ADGRF5: variants seen among roughly 807,000 people sequenced by gnomAD.
The protein encoded by ADGRF5 is adhesion G protein-coupled receptor F5.
Under a neutral mutation model 132.3 loss-of-function variants are expected in ADGRF5, and 75 were observed. The ratio of observed to expected loss-of-function variants is 0.57; its 90% CI spans 0.47 to 0.69. The LOEUF (loss-of-function observed/expected upper bound fraction) is 0.69, where lower values mean the gene tolerates loss of function less well. ADGRF5 is among the 30% of genes least tolerant of loss of function. The pLI is 0.00. For synonymous variants in ADGRF5, 629 were observed against 597.6 expected (o/e 1.05, Z -0.77); for missense variants, 1,516 against 1,630.6 (o/e 0.93, Z 1.21).
At chr6:46,920,380 A>T (rs1776805295) in intron 1 of ADGRF5, among the ~76,000 whole-genome samples, 1 of 152,116 alleles carries the variant, frequency 6.6e-6, no homozygotes, top group South Asian at 2.1e-4. Context: ...TCTTTCACTG[A>T]GAGGAAGGAG....
At chr6:46,862,374 T>A (rs181384630) in intron 15 of ADGRF5, among the ~76,000 whole-genome samples, 2 of 152,298 alleles carry the variant, frequency 1.3e-5, no homozygotes, top group Admixed American at 1.3e-4. Flanking sequence ...TAACCTCTAT[T>A]ATAGGTAAGA....
At chr6:46,906,562 A>G in intron 2 of ADGRF5, 99 bp downstream of exon 2, 1 of 708,386 alleles carries the variant, frequency 1.4e-6, no homozygotes, top group Non-Finnish European at 2.5e-6. Context: ...TTCTCCCCCT[A>G]AAGTTTTTTC....
In ADGRF5 at chr6:46,936,906, C is replaced by T. The variant is rs563860025; in HGVS notation, c.-25+17828G>A. ...TTTTGGCAGTGGTTGTGTTCCTGCCCTCTAGCCACAGATCCTGGGGGATCC... is the reference window on the plus strand; with the variant it reads ...TTTTGGCAGTGGTTGTGTTCCTGCCTTCTAGCCACAGATCCTGGGGGATCC... On this transcript the variant is annotated intron_variant, in intron 1 of 20. Coordinates refer to the ADGRF5 transcript ENST00000265417. Among the ~76,000 whole-genome samples, 6 of 152,326 alleles carry T rather than the reference C, an allele frequency of 3.9e-5. No homozygotes were observed. The South Asian group carries it at 1.2e-3, about 32-fold the overall frequency.
At chr6:46,885,718 A>G (rs1381794802) in intron 4 of ADGRF5, among the ~76,000 whole-genome samples, 1 of 152,224 alleles carries the variant, frequency 6.6e-6, no homozygotes, top group African/African-American at 2.4e-5. Context: ...TCCTTTCTAC[A>G]TGTTAAATGC....
chr6:46,946,479 G>C (rs1216446444), intron 1 of ADGRF5, among the ~76,000 whole-genome samples: 1 of 152,148 alleles, frequency 6.6e-6, no homozygotes, highest in East Asian at 1.9e-4. Flanking sequence ...TTTGTGGTGA[G>C]GGAAAATGAA....
intron 3 of ADGRF5, among the ~76,000 whole-genome samples, chr6:46,898,474 G>T (rs1217027618): frequency 6.6e-6 from 1 of 152,084 alleles, no homozygotes; most frequent in Admixed American, 6.5e-5. Context: ...CTGTGCCATA[G>T]GCCACTTCAG....
chr6:46,916,649 A>G (rs1352811302), intron 1 of ADGRF5, among the ~76,000 whole-genome samples: 1 of 152,224 alleles, frequency 6.6e-6, no homozygotes, highest in East Asian at 1.9e-4. Flanking sequence ...CTGACCAATA[A>G]TCCAACACAA....
intron 1 of ADGRF5, among the ~76,000 whole-genome samples, chr6:46,947,008 C>T (rs865899708): frequency 9.2e-5 from 14 of 152,156 alleles, no homozygotes; most frequent in Non-Finnish European, 2.1e-4. Context: ...TCTTTGCACT[C>T]TCATTTGCAA....
At chr6:46,896,217 G>A (rs1369750297) in intron 3 of ADGRF5, among the ~76,000 whole-genome samples, 1 of 152,114 alleles carries the variant, frequency 6.6e-6, no homozygotes, top group African/African-American at 2.4e-5. Context: ...CAGCCGCTCA[G>A]CTGATCCAGA....
chr6:46,938,460 G>C (rs913371896), intron 1 of ADGRF5, among the ~76,000 whole-genome samples: 1 of 152,162 alleles, frequency 6.6e-6, no homozygotes, highest in Admixed American at 6.6e-5. Flanking sequence ...CTGTGAAAAA[G>C]GCAACAGATT....
intron 10 of ADGRF5, among the ~76,000 whole-genome samples, chr6:46,873,496 T>C (rs1338362747): frequency 6.6e-6 from 1 of 152,180 alleles, no homozygotes; most frequent in Non-Finnish European, 1.5e-5. Context: ...GCTTGAGTCC[T>C]AGATGTCTCC....
At chr6:46,903,801 CA>C (rs2150889863) in intron 2 of ADGRF5, among the ~76,000 whole-genome samples, 1 of 152,126 alleles carries the variant, frequency 6.6e-6, no homozygotes, top group East Asian at 1.9e-4. Flanking sequence ...ACTTTTGCAC[CA>C]ACCTAATACT....
intron 1 of ADGRF5, among the ~76,000 whole-genome samples, chr6:46,928,656 C>A (rs1211519448): frequency 6.6e-6 from 1 of 152,132 alleles, no homozygotes; most frequent in Non-Finnish European, 1.5e-5. Flanking sequence ...GCCCTCTACT[C>A]TCTTAGAGGT....
At chr6:46,876,973 A>G (rs1407829900) in intron 10 of ADGRF5, among the ~76,000 whole-genome samples, 5 of 152,216 alleles carry the variant, frequency 3.3e-5, no homozygotes, top group Non-Finnish European at 5.9e-5. Context: ...GGTTCACCAC[A>G]CTAATGTATT....
At chr6:46,864,103 T>C (rs144623758) in intron 14 of ADGRF5, among the ~76,000 whole-genome samples, 42 of 152,332 alleles carry the variant, frequency 2.8e-4, no homozygotes, top group Non-Finnish European at 5.4e-4. Flanking sequence ...GATGAGGAGT[T>C]GCTTATGGTA....
At chr6:46,899,600 A>T (rs1408938912) in intron 3 of ADGRF5, among the ~76,000 whole-genome samples, 1 of 152,080 alleles carries the variant, frequency 6.6e-6, no homozygotes, top group Non-Finnish European at 1.5e-5. Flanking sequence ...ACAGAGGAGG[A>T]GGACTTGAGC....
chr6:46,895,677 C>G (rs1370728481), intron 3 of ADGRF5, among the ~76,000 whole-genome samples: 1 of 150,566 alleles, frequency 6.6e-6, no homozygotes, highest in East Asian at 2.0e-4. Context: ...CTCAGTTATT[C>G]CTTTAAAGCC....
intron 1 of ADGRF5, among the ~76,000 whole-genome samples, chr6:46,934,627 A>G (rs1777728432): frequency 6.6e-6 from 1 of 152,204 alleles, no homozygotes; most frequent in African/African-American, 2.4e-5. Context: ...CTTTACAAAC[A>G]CCATGCTAAC....
rs565158212 is a variant in ADGRF5, at chr6:46,890,855, ATAATAT to A, written c.158-2356_158-2351del. Among the ~76,000 whole-genome samples the A allele has an allele frequency of 1.0e-4, 16 of 152,388 alleles. No individual in the cohort carries two copies. The South Asian group carries it at 2.5e-3, about 24-fold the overall frequency. ...TGTTAAAAGGGCAAAAAATTTTCCCATAATATTTCAAGATTTAAATATTCCAAGGAC... is the reference window on the plus strand; with the variant it reads ...TGTTAAAAGGGCAAAAAATTTTCCCATTCAAGATTTAAATATTCCAAGGAC... On this transcript the variant is annotated intron_variant, in intron 3 of 20. Transcript: ENST00000283296.
Sources: gnomAD v4.1 joint callset for allele counts (sites outside exome capture counted in the v4.1 genomes callset) on GRCh38, gnomAD v4.1.1 for gene constraint, MANE v1.5 for transcripts, NCBI Gene and HGNC (gene_info 2026-07-23, HGNC 2026-07-21) for gene names.